The following PCDHGA4 variants were observed in gnomAD, a reference collection of about 807,000 sequenced individuals.
The protein encoded by PCDHGA4 is protocadherin gamma subfamily A, 4, also known as protocadherin gamma-A4.
In PCDHGA4, 38 loss-of-function variants were observed where a neutral mutation model predicts 54.6. The observed-to-expected ratio is 0.70, with a 90% CI of 0.54 to 0.91. The LOEUF is 0.91. Ranked by LOEUF, PCDHGA4 falls within the 40% of genes least tolerant of loss-of-function variation. The pLI is 0.00. For missense variants in PCDHGA4, 1,298 were observed against 1,220.9 expected, an observed-to-expected ratio of 1.06 and a Z score of -0.94; for synonymous variants, 511 against 512.9, an observed-to-expected ratio of 1.00 and a Z score of 0.05.
At position 141,449,665 on chromosome 5, in the gene PCDHGA4, G is replaced by T. The variant is rs144213743; in HGVS notation, c.2515-45142G>T. 9.3e-5 allele frequency among the ~76,000 whole-genome samples: 14 copies of T among 150,156 alleles called. No individual in the cohort carries two copies. In the East Asian group the frequency reaches 2.7e-3, roughly 29 times the overall value. Reference sequence around the variant, plus strand: ...TATACATATTTACATACACACCCAAGTGTGTATGTATATATGTTTGTGTGT... The same window carrying T: ...TATACATATTTACATACACACCCAATTGTGTATGTATATATGTTTGTGTGT... On this transcript the variant is annotated intron_variant, in intron 1 of 3. Coordinates refer to ENST00000571252, the MANE Select transcript of PCDHGA4 (RefSeq NM_018917.4).
intron 1 of PCDHGA4, chr5:141,394,693 G>C: frequency 1.2e-6 from 2 of 1,613,006 alleles, no homozygotes; most frequent in Non-Finnish European, 1.7e-6. Context: ...GGCGAGGTGC[G>C]CACGGCGCGA....
chr5:141,356,920 G>T lies in PCDHGA4; in HGVS notation c.1813G>T (p.Gly605Cys). The T allele has an allele frequency of 6.2e-7, 1 of 1,613,924 alleles. No individual in the cohort carries two copies. Among genetic ancestry groups the T allele is most frequent in the Non-Finnish European group, 8.5e-7 (1 of 1,179,806 alleles). Residue 605 changes from glycine (G) to cysteine (C), a missense_variant, in exon 1 of 4, where the codon GGT (glycine) becomes TGT (cysteine). Gly to Cys is a radical substitution (Grantham distance 159). Transcript: ENST00000571252. Reference protein sequence around the residue: ...YPTFPTDGSTGVELAPRSADS... With the variant: ...YPTFPTDGSTCVELAPRSADS... ...CACCTTCCCTACTGATGGCTCCACT[G>T]GTGTGGAGCTGGCACCCCGCTCCGC...
At chr5:141,437,761 C>T (rs1200327020) in intron 1 of PCDHGA4, among the ~76,000 whole-genome samples, 1 of 144,680 alleles carries the variant, frequency 6.9e-6, no homozygotes, top group African/African-American at 2.6e-5. Context: ...TTTTTTGAGA[C>T]AGAGTCTCAA....
intron 1 of PCDHGA4, chr5:141,405,481 G>A: frequency 2.0e-6 from 2 of 992,130 alleles, no homozygotes; most frequent in Middle Eastern, 2.6e-4. Context: ...ATGCAGTGGT[G>A]TGATCTCGGC....
At chr5:141,502,363 T>C (rs1216939790) in intron 2 of PCDHGA4, among the ~76,000 whole-genome samples, 2 of 152,100 alleles carry the variant, frequency 1.3e-5, no homozygotes, top group African/African-American at 4.8e-5. Context: ...ATGGATATTT[T>C]TAAAGAGTCC....
intron 1 of PCDHGA4, among the ~76,000 whole-genome samples, chr5:141,437,514 C>G (rs2097891371): frequency 6.6e-6 from 1 of 152,114 alleles, no homozygotes; most frequent in South Asian, 2.1e-4. Flanking sequence ...AATTATAAGG[C>G]TGATGACAAA....
chr5:141,372,703 T>C (rs1379730424), intron 1 of PCDHGA4: 1 of 1,614,012 alleles, frequency 6.2e-7, no homozygotes, highest in Non-Finnish European at 8.5e-7. Context: ...TTTCTCAATA[T>C]AAAGGCTGAA....
In PCDHGA4 at chr5:141,432,847, G is replaced by A. The variant is rs768265171; in HGVS notation, c.2515-61960G>A. On this transcript the variant is annotated intron_variant, in intron 1 of 3. Transcript: ENST00000571252. The surrounding 1 kb of genome is among the most constrained non-coding windows in gnomAD (Gnocchi z 6.0). Reference sequence around the variant, plus strand: ...ACCTCACTCTGTACCTGGTGGTAGCGGTGGCCGCGGTCTCCTGCGTCTTCC... The same window carrying A: ...ACCTCACTCTGTACCTGGTGGTAGCAGTGGCCGCGGTCTCCTGCGTCTTCC... 5.0e-6 allele frequency: 8 copies of A among 1,614,180 alleles called. No homozygotes were observed. The highest frequency in any genetic ancestry group is 6.8e-6 in the Non-Finnish European group (8 of 1,179,994).
rs776015544 is a variant in PCDHGA4, at chr5:141,485,125, G to C, written c.2515-9682G>C. The C allele has an allele frequency of 7.1e-7, 1 of 1,412,278 alleles. No homozygotes were observed. Among genetic ancestry groups the C allele is most frequent in the Admixed American group, 1.7e-5 (1 of 57,660 alleles). 87.5% of individuals were successfully genotyped at this position (1,412,278 alleles called of 1,614,324 possible). On this transcript the variant is annotated intron_variant, in intron 1 of 3. Transcript: ENST00000571252. The surrounding 1 kb of genome is among the most constrained non-coding windows in gnomAD (Gnocchi z 5.7). The stretch of plus-strand genomic sequence containing the variant: ...CTGCTGTGGCTGTTTGGGGCGGGTC[G>C]GCTTCATCCGCGTCTCAGGAGCAAG...
At chr5:141,362,329 A>G (rs1463168776) in intron 1 of PCDHGA4, 5 of 1,613,930 alleles carry the variant, frequency 3.1e-6, no homozygotes, top group Non-Finnish European at 4.2e-6. Flanking sequence ...GCCTGGTCTC[A>G]GCTCCAAGCC....
chr5:141,370,607 G>T, intron 1 of PCDHGA4: 1 of 1,614,004 alleles, frequency 6.2e-7, no homozygotes, highest in South Asian at 1.1e-5. Context: ...TTATTGCAGA[G>T]AAGAAATTCT....
intron 1 of PCDHGA4, chr5:141,478,477 C>T: frequency 6.2e-7 from 1 of 1,613,796 alleles, no homozygotes; most frequent in Non-Finnish European, 8.5e-7. Flanking sequence ...GCCGCCAGAA[C>T]ACGCTGCGGA....
chr5:141,407,981 C>G, intron 1 of PCDHGA4: 4 of 770,010 alleles, frequency 5.2e-6, no homozygotes, highest in Non-Finnish European at 7.8e-6. Flanking sequence ...GCCGGGGATC[C>G]GTCAGCCTCT....
intron 2 of PCDHGA4, among the ~76,000 whole-genome samples, chr5:141,497,006 T>C (rs947830895): frequency 1.3e-5 from 2 of 151,678 alleles, no homozygotes; most frequent in South Asian, 2.1e-4. Context: ...GCAGCCAACA[T>C]GGTGAAACCC....
intron 1 of PCDHGA4, chr5:141,427,265 C>T (rs767369457): frequency 6.1e-5 from 28 of 456,570 alleles, no homozygotes; most frequent in Non-Finnish European, 1.1e-4. Context: ...GCATGACCAG[C>T]GAATGTAAAA....
chr5:141,420,918 C>T (rs2096532512), intron 1 of PCDHGA4: 1 of 331,946 alleles, frequency 3.0e-6, no homozygotes, highest in South Asian at 6.4e-5. Flanking sequence ...GTGTGATTCA[C>T]AAAGGTGAGC....
In PCDHGA4 at chr5:141,487,598, C is replaced by T. The variant is rs1450685717; in HGVS notation, c.2515-7209C>T. 6.2e-7 allele frequency: 1 copy of T among 1,614,210 alleles called. No homozygotes were observed. The highest frequency in any genetic ancestry group is 8.5e-7 in the Non-Finnish European group (1 of 1,180,046). ...TCGCCCAAGCTGCCCACCCTCTGAT[C>T]TTCTCTATGGGCTAGAGGTGAGACC... is the stretch of plus-strand genomic sequence containing the variant. On this transcript the variant is annotated intron_variant, in intron 1 of 3. Transcript: ENST00000571252. The surrounding 1 kb of genome is among the most constrained non-coding windows in gnomAD (Gnocchi z 5.0).
At chr5:141,474,606 T>C (rs1156236978) in intron 1 of PCDHGA4, among the ~76,000 whole-genome samples, 1 of 152,242 alleles carries the variant, frequency 6.6e-6, no homozygotes, top group Non-Finnish European at 1.5e-5. Context: ...ATAGGTCACA[T>C]ATGGCTTTTC....
At position 141,512,114 on chromosome 5, in the gene PCDHGA4, C is replaced by T. The variant is rs2099884080; in HGVS notation, c.*941C>T. ...TAACTAGGCTGGACCCTTCCCACTA[C>T]ATAATAGGGCTCAGCCCAGGCAGCC... On this transcript the variant is annotated 3_prime_UTR_variant, in exon 4 of 4. Coordinates refer to ENST00000571252, the MANE Select transcript of PCDHGA4 (RefSeq NM_018917.4). 2 of 152,696 alleles carry T rather than the reference C, an allele frequency of 1.3e-5. No homozygotes were observed. Among genetic ancestry groups the T allele is most frequent in the African/African-American group, 4.8e-5 (2 of 41,468 alleles). 9.5% of individuals were successfully genotyped at this position (152,696 alleles called of 1,614,324 possible).
Sources: allele counts gnomAD v4.1 joint callset (sites outside exome capture counted in the v4.1 genomes callset), GRCh38; gene constraint gnomAD v4.1.1; non-coding constraint Gnocchi (gnomAD v3.1); transcripts MANE v1.5; gene names NCBI Gene and HGNC (gene_info 2026-07-23, HGNC 2026-07-21).